Variants in EEPD1 observed in about 807,000 individuals in gnomAD.
EEPD1 encodes endonuclease/exonuclease/phosphatase family domain containing 1.
In EEPD1, 17 loss-of-function variants were observed where a neutral mutation model predicts 46.3. That is an observed-to-expected ratio of 0.37 (90% CI 0.25 to 0.55). EEPD1 has a LOEUF of 0.55. EEPD1 is among the 20% of genes least tolerant of loss of function. The probability of loss-of-function intolerance (pLI) is 0.83; values close to 1 mark genes in which losing one functional copy is unlikely to be tolerated. For synonymous variants in EEPD1, 313 were observed against 315.6 expected (o/e 0.99, Z 0.09); for missense variants, 673 against 745.6 (o/e 0.90, Z 1.13).
chr7:36,240,980 G>A (rs777131142), intron 3 of EEPD1, among the ~76,000 whole-genome samples: 1 of 152,178 alleles, frequency 6.6e-6, no homozygotes, highest in African/African-American at 2.4e-5. Flanking sequence ...AAATAGTGAT[G>A]TATATATGTC....
At chr7:36,290,096 C>T (rs1398139434) in intron 6 of EEPD1, among the ~76,000 whole-genome samples, 7 of 152,208 alleles carry the variant, frequency 4.6e-5, no homozygotes, top group Non-Finnish European at 7.3e-5. Flanking sequence ...GTAAAATGGA[C>T]AACTTGATAG....
At chr7:36,231,529 T>G (rs773794596) in intron 2 of EEPD1, among the ~76,000 whole-genome samples, 2 of 152,100 alleles carry the variant, frequency 1.3e-5, no homozygotes, top group African/African-American at 2.4e-5. Context: ...GATCTACTGG[T>G]CCATGTTGGA....
intron 2 of EEPD1, among the ~76,000 whole-genome samples, chr7:36,167,462 T>C (rs1487267923): frequency 6.6e-6 from 1 of 152,140 alleles, no homozygotes; most frequent in Non-Finnish European, 1.5e-5. Flanking sequence ...CCATAGTAGA[T>C]AGGGTCCAGC....
intron 2 of EEPD1, among the ~76,000 whole-genome samples, chr7:36,207,875 T>A (rs188941502): frequency 3.9e-4 from 58 of 149,002 alleles, no homozygotes; most frequent in African/African-American, 1.4e-3. Flanking sequence ...TTGTCTGGAA[T>A]CTCAGTGCAG....
intron 5 of EEPD1, 79 bp from the exon 6 acceptor site, chr7:36,287,560 A>G: frequency 7.1e-6 from 11 of 1,547,254 alleles, no homozygotes; most frequent in Non-Finnish European, 9.6e-6. Flanking sequence ...GCACAAAGCT[A>G]TTTATGAGTC....
intron 2 of EEPD1, among the ~76,000 whole-genome samples, chr7:36,231,577 C>T (rs558694508): frequency 6.6e-5 from 10 of 152,118 alleles, no homozygotes; most frequent in Admixed American, 2.0e-4. Context: ...CTCTCTTCCT[C>T]GGGCATACGC....
At chr7:36,173,597 C>T (rs1785127474) in intron 2 of EEPD1, among the ~76,000 whole-genome samples, 1 of 152,074 alleles carries the variant, frequency 6.6e-6, no homozygotes, top group African/African-American at 2.4e-5. Flanking sequence ...TTGTAAGTTT[C>T]CTGAGGCCTC....
intron 3 of EEPD1, 40 bp downstream of exon 3, chr7:36,239,076 A>G (rs1562698150): frequency 6.3e-7 from 1 of 1,597,312 alleles, no homozygotes; most frequent in Non-Finnish European, 8.6e-7. Flanking sequence ...ACAAACCAAG[A>G]ACGGAGGGCC....
At chr7:36,241,408 G>A (rs1192702235) in intron 3 of EEPD1, among the ~76,000 whole-genome samples, 1 of 152,134 alleles carries the variant, frequency 6.6e-6, no homozygotes, top group Non-Finnish European at 1.5e-5. Context: ...GGCAAGCGGA[G>A]GTTGCAGTGA....
At chr7:36,196,954 T>C (rs1320062991) in intron 2 of EEPD1, among the ~76,000 whole-genome samples, 1 of 149,670 alleles carries the variant, frequency 6.7e-6, no homozygotes, top group Non-Finnish European at 1.5e-5. Flanking sequence ...CGCCATCCCA[T>C]CTAGGAAGTG....
At chr7:36,183,712 C>T (rs1785312218) in intron 2 of EEPD1, among the ~76,000 whole-genome samples, 1 of 151,948 alleles carries the variant, frequency 6.6e-6, no homozygotes, top group African/African-American at 2.4e-5. Context: ...TGGTGTCTTA[C>T]TTTGTTGTCC....
intron 2 of EEPD1, among the ~76,000 whole-genome samples, chr7:36,167,461 A>G (rs1785005381): frequency 1.3e-5 from 2 of 152,094 alleles, no homozygotes; most frequent in African/African-American, 4.8e-5. Context: ...GCCATAGTAG[A>G]TAGGGTCCAG....
intron 2 of EEPD1, among the ~76,000 whole-genome samples, chr7:36,202,583 G>A (rs1300453955): frequency 1.3e-5 from 2 of 152,138 alleles, no homozygotes; most frequent in East Asian, 3.8e-4. Context: ...AATGATAAGA[G>A]GCTTGTGGCA....
At chr7:36,156,815 A>G (rs555568086) in intron 2 of EEPD1, among the ~76,000 whole-genome samples, 106 of 152,346 alleles carry the variant, frequency 7.0e-4, no homozygotes, top group Non-Finnish European at 3.8e-4. Context: ...TTTGAGAACC[A>G]TTGTACTAGG....
At chr7:36,171,395 G>A (rs1420194) in intron 2 of EEPD1, among the ~76,000 whole-genome samples, 115,222 of 152,154 alleles carry the variant, frequency 0.76, 44,077 homozygotes, top group Middle Eastern at 0.81. Flanking sequence ...ACTCTAAATT[G>A]TAAGTGTTTA....
Position 36,298,998 on chromosome 7 carries a change from TC to T in EEPD1, c.1511-6del, listed in dbSNP as rs1230987582. 21 of 1,613,360 alleles carry T rather than the reference TC, an allele frequency of 1.3e-5. No homozygotes were observed. Among genetic ancestry groups the T allele is most frequent in the Non-Finnish European group, 1.7e-5 (20 of 1,179,714 alleles). On this transcript the variant is annotated splice_polypyrimidine_tract_variant and splice_region_variant and intron_variant, in intron 7 of 7. Coordinates refer to ENST00000242108, the MANE Select transcript of EEPD1 (RefSeq NM_030636.3). ...TGATTCCCGGTCTCTTTCCTTCCTC[TC>T]CCTTCAGGTCACTGGGCTGTGGTGA...
At chr7:36,229,567 A>G (rs1786285862) in intron 2 of EEPD1, among the ~76,000 whole-genome samples, 2 of 152,086 alleles carry the variant, frequency 1.3e-5, no homozygotes, top group South Asian at 4.1e-4. Context: ...TAATGTCGTC[A>G]TTTCTCCTCC....
intron 2 of EEPD1, among the ~76,000 whole-genome samples, chr7:36,208,171 G>A (rs913946517): frequency 2.6e-5 from 4 of 152,322 alleles, no homozygotes; most frequent in East Asian, 1.9e-4. Flanking sequence ...CCTGGGCTGC[G>A]GTGGCAGGGA....
At chr7:36,255,401 T>C (rs959770372) in intron 3 of EEPD1, among the ~76,000 whole-genome samples, 6 of 152,244 alleles carry the variant, frequency 3.9e-5, no homozygotes, top group Non-Finnish European at 7.3e-5. Context: ...GGGAACCCTT[T>C]CTCCATTGGT....
Sources: allele counts gnomAD v4.1 joint callset (sites outside exome capture counted in the v4.1 genomes callset), GRCh38; gene constraint gnomAD v4.1.1; transcripts MANE v1.5; gene names NCBI Gene and HGNC (gene_info 2026-07-23, HGNC 2026-07-21).